The following UNC5C variants were observed in gnomAD, a reference collection of about 807,000 sequenced individuals.
The protein encoded by UNC5C is unc-5 netrin receptor C.
UNC5C carries 47 observed loss-of-function variants against 99.8 expected under a neutral mutation model. The observed-to-expected ratio is 0.47, with a 90% CI of 0.37 to 0.60. UNC5C has a LOEUF of 0.60. Among genes scored for constraint, UNC5C ranks in the 20% least tolerant of loss-of-function variants. UNC5C has a pLI of 0.00. For synonymous variants in UNC5C, 487 were observed against 452.2 expected, an observed-to-expected ratio of 1.08 and a Z score of -0.98; for missense variants, 1,062 against 1,165.9, an observed-to-expected ratio of 0.91 and a Z score of 1.30.
At chr4:95,483,451 G>A (rs1721231673) in intron 1 of UNC5C, among the ~76,000 whole-genome samples, 2 of 151,542 alleles carry the variant, frequency 1.3e-5, no homozygotes, top group Admixed American at 6.6e-5. Flanking sequence ...TTAATAATGA[G>A]TCTGCCCACT....
At chr4:95,379,514 G>A (rs1400089406) in intron 1 of UNC5C, among the ~76,000 whole-genome samples, 1 of 152,052 alleles carries the variant, frequency 6.6e-6, no homozygotes, top group Non-Finnish European at 1.5e-5. Flanking sequence ...TGTTACAGAG[G>A]CCTTCCTATT....
In UNC5C at chr4:95,171,902, C is replaced by T. The variant is rs1354166034; in HGVS notation, c.2452-1570G>A. ...TCTCCACATCCTCTCTAGCACCTGT[C>T]GTTTCCTGACTTTTTAATGATTGCC... On this transcript the variant is annotated intron_variant, in intron 14 of 15. Coordinates refer to ENST00000453304, the MANE Select transcript of UNC5C (RefSeq NM_003728.4). 3.4e-4 allele frequency among the ~76,000 whole-genome samples: 51 copies of T among 151,808 alleles called. 1 individual carries two copies. Among genetic ancestry groups the T allele is most frequent in the South Asian group, 8.3e-4 (4 of 4,794 alleles).
intron 1 of UNC5C, among the ~76,000 whole-genome samples, chr4:95,500,030 T>A (rs530793676): frequency 6.6e-6 from 1 of 152,162 alleles, no homozygotes; most frequent in East Asian, 1.9e-4. Context: ...GACTCAATAG[T>A]AGATGAACTA....
intron 1 of UNC5C, among the ~76,000 whole-genome samples, chr4:95,483,866 G>C (rs1205058831): frequency 6.6e-6 from 1 of 151,816 alleles, no homozygotes; most frequent in Admixed American, 6.6e-5. Flanking sequence ...TGAGGAATAC[G>C]ATAGGACAAA....
intron 1 of UNC5C, among the ~76,000 whole-genome samples, chr4:95,488,643 C>T (rs1721393500): frequency 6.6e-6 from 1 of 151,634 alleles, no homozygotes; most frequent in Admixed American, 6.6e-5. Flanking sequence ...AACAGGAACT[C>T]GTAATACAGA....
At position 95,509,283 on chromosome 4, in the gene UNC5C, T is replaced by G. The variant is rs115366229; in HGVS notation, c.124+39451A>C. ...ATATAACTATTAATGTTATATCTGA[T>G]GATAGTAAGTCAGAGTATAGTGCAA... On this transcript the variant is annotated intron_variant, in intron 1 of 15. Transcript: ENST00000453304. Among the ~76,000 whole-genome samples, 567 of 151,868 alleles carry G rather than the reference T, an allele frequency of 3.7e-3. 2 individuals are homozygous for G. The highest frequency in any genetic ancestry group is 7.0e-3 in the Non-Finnish European group (477 of 67,784).
At chr4:95,235,329 T>C (rs1739069241) in intron 7 of UNC5C, among the ~76,000 whole-genome samples, 1 of 152,130 alleles carries the variant, frequency 6.6e-6, no homozygotes, top group African/African-American at 2.4e-5. Flanking sequence ...CATATAGGGT[T>C]GTTTGTTTTT....
intron 1 of UNC5C, among the ~76,000 whole-genome samples, chr4:95,463,210 G>C (rs1340360588): frequency 6.6e-6 from 1 of 152,160 alleles, no homozygotes; most frequent in Non-Finnish European, 1.5e-5. Context: ...GCCTAACTGT[G>C]ACCTACACCC....
chr4:95,277,763 T>G (rs7436834), intron 4 of UNC5C, among the ~76,000 whole-genome samples: 27,476 of 152,126 alleles, frequency 0.18, 4,244 homozygotes, highest in African/African-American at 0.39. Flanking sequence ...ATTGACACCT[T>G]TTACTCCTAA....
intron 1 of UNC5C, among the ~76,000 whole-genome samples, chr4:95,506,655 T>C (rs1721931006): frequency 1.3e-5 from 2 of 151,808 alleles, no homozygotes; most frequent in Non-Finnish European, 1.5e-5. Flanking sequence ...CCCAGACAGA[T>C]GGTAAATCTG....
chr4:95,447,928 C>T (rs1747154444), intron 1 of UNC5C, among the ~76,000 whole-genome samples: 1 of 152,116 alleles, frequency 6.6e-6, no homozygotes, highest in Admixed American at 6.5e-5. Context: ...GAAGAAGCGG[C>T]TTGGGCTGGC....
intron 1 of UNC5C, among the ~76,000 whole-genome samples, chr4:95,470,142 T>C (rs141179414): frequency 7.7e-4 from 118 of 152,286 alleles, no homozygotes; most frequent in African/African-American, 2.7e-3. Flanking sequence ...TAGTAAATGA[T>C]AAAATAGACT....
intron 1 of UNC5C, among the ~76,000 whole-genome samples, chr4:95,403,074 AAG>A (rs1467865996): frequency 6.6e-6 from 1 of 152,206 alleles, no homozygotes; most frequent in Admixed American, 6.5e-5. Context: ...TGGGGGAAGA[AAG>A]AGAAAATTAG....
intron 1 of UNC5C, among the ~76,000 whole-genome samples, chr4:95,522,541 C>A (rs1695233583): frequency 6.6e-6 from 1 of 151,890 alleles, no homozygotes; most frequent in South Asian, 2.1e-4. Context: ...AAGAAGTTAA[C>A]ATGAAAAGCA....
intron 1 of UNC5C, among the ~76,000 whole-genome samples, chr4:95,526,534 G>C (rs761494374): frequency 6.6e-5 from 10 of 151,900 alleles, no homozygotes; most frequent in Non-Finnish European, 1.3e-4. Flanking sequence ...ACAAAAAATG[G>C]CCAGAAATAG....
intron 1 of UNC5C, among the ~76,000 whole-genome samples, chr4:95,507,850 T>C: frequency 6.6e-6 from 1 of 152,060 alleles, no homozygotes; most frequent in East Asian, 1.9e-4. Context: ...TGTCATCTTG[T>C]TGTTAATGCT....
intron 3 of UNC5C, among the ~76,000 whole-genome samples, chr4:95,286,506 A>C (rs1165826144): frequency 6.6e-6 from 1 of 152,178 alleles, no homozygotes; most frequent in Non-Finnish European, 1.5e-5. Context: ...GGTGGCTCTA[A>C]ATGCCTGCTT....
chr4:95,396,703 C>G (rs938386166), intron 1 of UNC5C, among the ~76,000 whole-genome samples: 1 of 152,096 alleles, frequency 6.6e-6, no homozygotes, highest in Admixed American at 6.5e-5. Context: ...ACCCGTGGAC[C>G]CATCAGCATG....
At chr4:95,470,851 A>T (rs1010259524) in intron 1 of UNC5C, among the ~76,000 whole-genome samples, 1 of 152,142 alleles carries the variant, frequency 6.6e-6, no homozygotes, top group Non-Finnish European at 1.5e-5. Flanking sequence ...CTAATTATTC[A>T]TTTTAATTTG....
Sources: allele counts gnomAD v4.1 joint callset (sites outside exome capture counted in the v4.1 genomes callset), GRCh38; gene constraint gnomAD v4.1.1; transcripts MANE v1.5; gene names NCBI Gene and HGNC (gene_info 2026-07-23, HGNC 2026-07-21).